The following C12orf54 variants were observed in gnomAD, a reference collection of about 807,000 sequenced individuals.
C12orf54 encodes chromosome 12 open reading frame 54, also known as uncharacterized protein C12orf54.
Under a neutral mutation model 26.4 loss-of-function variants are expected in C12orf54, and 24 were observed. The ratio of observed to expected loss-of-function variants is 0.91; its 90% CI spans 0.66 to 1.28. C12orf54 has a LOEUF of 1.28. Among genes scored for constraint, C12orf54 ranks in the 50% most tolerant of loss-of-function variants. C12orf54 has a pLI of 0.00. For missense variants in C12orf54, 154 were observed against 150.9 expected (o/e 1.02, Z -0.11); for synonymous variants, 54 against 47.0 (o/e 1.15, Z -0.61).
chr12:48,455,031 T>C, the C12orf54 span, among the ~76,000 whole-genome samples: 2 of 152,170 alleles, frequency 1.3e-5, no homozygotes, highest in African/African-American at 4.8e-5. Context: ...TCACTGGAGT[T>C]TGGTGTACAA....
At chr12:48,450,413 C>T in the C12orf54 span, among the ~76,000 whole-genome samples, 1 of 152,084 alleles carries the variant, frequency 6.6e-6, no homozygotes, top group Non-Finnish European at 1.5e-5. Flanking sequence ...ACTAACATCA[C>T]AACTAAAAGA....
chr12:48,444,582 G>A, the C12orf54 span, among the ~76,000 whole-genome samples: 1 of 152,276 alleles, frequency 6.6e-6, no homozygotes, highest in Admixed American at 6.5e-5. Flanking sequence ...AAAATACTGC[G>A]TTAGCATTAT....
intron 4 of C12orf54, among the ~76,000 whole-genome samples, chr12:48,487,137 C>T (rs1462768760): frequency 6.6e-6 from 1 of 152,112 alleles, no homozygotes; most frequent in Non-Finnish European, 1.5e-5. Context: ...CTAGTAATGC[C>T]CATAAGATAC....
the C12orf54 span, among the ~76,000 whole-genome samples, chr12:48,477,245 C>T: frequency 6.6e-6 from 1 of 152,180 alleles, no homozygotes; most frequent in African/African-American, 2.4e-5. Context: ...ACATTCAAAG[C>T]AGTGTGTAGA....
At chr12:48,476,005 G>T in the C12orf54 span, among the ~76,000 whole-genome samples, 2 of 151,718 alleles carry the variant, frequency 1.3e-5, no homozygotes, top group African/African-American at 4.9e-5. Flanking sequence ...AGAAAGGTTG[G>T]GTTACCCACA....
At chr12:48,490,686 T>G (rs993207356) in intron 5 of C12orf54, 126 bp from the exon 6 acceptor site, 1 of 1,041,850 alleles carries the variant, frequency 9.6e-7, no homozygotes, top group African/African-American at 1.6e-5. Flanking sequence ...GGGAGTTCCA[T>G]GTCCAAGAAG....
chr12:48,461,225 T>C, the C12orf54 span, among the ~76,000 whole-genome samples: 3 of 151,930 alleles, frequency 2.0e-5, no homozygotes, highest in Non-Finnish European at 4.4e-5. Context: ...AAAGCATCTG[T>C]GCATCTGACA....
At chr12:48,428,739 T>C in the C12orf54 span, among the ~76,000 whole-genome samples, 60 of 151,896 alleles carry the variant, frequency 4.0e-4, no homozygotes, top group African/African-American at 1.4e-3. Flanking sequence ...CTACAAGACA[T>C]AAAGAAGAAT....
At chr12:48,434,107 G>A in the C12orf54 span, among the ~76,000 whole-genome samples, 1 of 152,348 alleles carries the variant, frequency 6.6e-6, no homozygotes, top group African/African-American at 2.4e-5. Flanking sequence ...GGCACACCAG[G>A]AGATTATATC....
At chr12:48,486,336 C>A in intron 3 of C12orf54, 128 bp downstream of exon 3, 1 of 949,826 alleles carries the variant, frequency 1.1e-6, no homozygotes, top group South Asian at 1.5e-5. Flanking sequence ...GTGCCCTTGA[C>A]TGGCTGGTGG....
the C12orf54 span, among the ~76,000 whole-genome samples, chr12:48,436,196 C>T: frequency 1.3e-5 from 2 of 152,168 alleles, no homozygotes. Flanking sequence ...ATCAATTCAA[C>T]AAGAAGAACT....
At chr12:48,488,481 C>G in intron 4 of C12orf54, 1 of 203,572 alleles carries the variant, frequency 4.9e-6, no homozygotes, top group Non-Finnish European at 9.2e-6. Flanking sequence ...AACTTACAGC[C>G]AAAAAAAAAA....
chr12:48,442,499 G>C, the C12orf54 span: 1 of 157,342 alleles, frequency 6.4e-6, no homozygotes, highest in African/African-American at 2.4e-5. Flanking sequence ...ATCCAGAAAA[G>C]CCAAGCCCCA....
At chr12:48,422,630 CAG>C in the C12orf54 span, among the ~76,000 whole-genome samples, 2 of 152,062 alleles carry the variant, frequency 1.3e-5, no homozygotes, top group African/African-American at 4.8e-5. Flanking sequence ...GCAAAAATCT[CAG>C]AAGTTCTTAG....
the C12orf54 span, among the ~76,000 whole-genome samples, chr12:48,449,065 A>T: frequency 2.0e-5 from 3 of 152,226 alleles, no homozygotes; most frequent in African/African-American, 4.8e-5. Context: ...TTGTCTAAAG[A>T]CCTGGGATCA....
At chr12:48,458,733 C>CTTT in the C12orf54 span, among the ~76,000 whole-genome samples, 40 of 146,872 alleles carry the variant, frequency 2.7e-4, no homozygotes, top group East Asian at 9.9e-4. Flanking sequence ...CTTGATTGTT[C>CTTT]TTTTTTTTTT....
chr12:48,438,475 G>A, the C12orf54 span, among the ~76,000 whole-genome samples: 1 of 152,172 alleles, frequency 6.6e-6, no homozygotes, highest in Non-Finnish European at 1.5e-5. Context: ...TAACAAAGCT[G>A]GAGGCATCAC....
chr12:48,419,256 G>T, the C12orf54 span, among the ~76,000 whole-genome samples: 1 of 152,140 alleles, frequency 6.6e-6, no homozygotes, highest in Non-Finnish European at 1.5e-5. Context: ...TGGCCTTGAA[G>T]ACATAGTTGG....
chr12:48,413,728 G>A, the C12orf54 span, among the ~76,000 whole-genome samples: 1 of 152,118 alleles, frequency 6.6e-6, no homozygotes, highest in African/African-American at 2.4e-5. Flanking sequence ...GAATATGAAT[G>A]GGGATTATAG....
Sources: gnomAD v4.1 joint callset for allele counts (sites outside exome capture counted in the v4.1 genomes callset) on GRCh38, gnomAD v4.1.1 for gene constraint, MANE v1.5 for transcripts, NCBI Gene and HGNC (gene_info 2026-07-23, HGNC 2026-07-21) for gene names.